The following OGG1 variants were observed in gnomAD, a reference collection of about 807,000 sequenced individuals.
The protein encoded by OGG1 is N-glycosylase/DNA lyase.
OGG1 carries 35 observed loss-of-function variants against 42.3 expected under a neutral mutation model. The ratio of observed to expected loss-of-function variants is 0.83; its 90% CI spans 0.63 to 1.10. The LOEUF (loss-of-function observed/expected upper bound fraction) is 1.10. OGG1 is among the 50% of genes least tolerant of loss of function. OGG1 has a pLI of 0.00. For synonymous variants in OGG1, 189 were observed against 179.0 expected (o/e 1.06, Z -0.44); for missense variants, 484 against 446.7 (o/e 1.08, Z -0.75).
downstream of OGG1, among the ~76,000 whole-genome samples, chr3:9,790,693 C>G (rs189763079): frequency 1.3e-5 from 2 of 152,192 alleles, no homozygotes; most frequent in South Asian, 4.1e-4. Flanking sequence ...TGGCATTGGG[C>G]TGAGTTTTTG....
chr3:9,752,025 C>A, intron 3 of OGG1, 76 bp downstream of exon 3: 1 of 1,421,242 alleles, frequency 7.0e-7, no homozygotes, highest in African/African-American at 1.4e-5. Flanking sequence ...TGGTTACCTT[C>A]TCAAGGCTTC....
chr3:9,772,038 G>A (rs1011125268), intron 2 of OGG1, among the ~76,000 whole-genome samples: 3 of 151,614 alleles, frequency 2.0e-5, no homozygotes, highest in South Asian at 2.1e-4. Flanking sequence ...GGCTGGTCTC[G>A]AACTCCTGAC....
chr3:9,759,089 T>G, downstream of OGG1: 1 of 1,008,436 alleles, frequency 9.9e-7, no homozygotes, highest in Non-Finnish European at 1.6e-6. Context: ...CTCAGTCCCC[T>G]CAGCCCCTCC....
At chr3:9,763,536 T>C (rs2077995771) in intron 7 of OGG1, among the ~76,000 whole-genome samples, 1 of 151,990 alleles carries the variant, frequency 6.6e-6, no homozygotes, top group African/African-American at 2.4e-5. Context: ...TAGCTTACCA[T>C]GGTTTATTAC....
chr3:9,760,625 G>A (rs770675137), downstream of OGG1: 3 of 1,611,886 alleles, frequency 1.9e-6, no homozygotes, highest in South Asian at 3.3e-5. Context: ...CAGAGGCAGG[G>A]CCCAGGGGAA....
intron 3 of OGG1, chr3:9,786,888 T>C: frequency 1.1e-6 from 1 of 909,514 alleles, no homozygotes; most frequent in South Asian, 1.6e-5. Flanking sequence ...TTTTTACTTT[T>C]GCACCAACCT....
intron 3 of OGG1, chr3:9,784,252 C>A (rs897481607): frequency 6.3e-7 from 1 of 1,582,140 alleles, no homozygotes; most frequent in Non-Finnish European, 8.6e-7. Flanking sequence ...CAAGAGCCAG[C>A]TTGGAGAAGG....
chr3:9,764,614 TTTG>T (rs1412473471), intron 7 of OGG1, among the ~76,000 whole-genome samples: 43 of 117,098 alleles, frequency 3.7e-4, no homozygotes, highest in African/African-American at 1.5e-3. Flanking sequence ...GCCTGGCGTT[TTTG>T]TTTTTTTTTT....
chr3:9,784,285 G>T (rs1397674772), intron 3 of OGG1: 1 of 1,526,884 alleles, frequency 6.5e-7, no homozygotes, highest in African/African-American at 1.4e-5. Context: ...GGTTCCCAGG[G>T]CTTCCCAAGG....
At chr3:9,774,704 A>T (rs1388145803) in intron 2 of OGG1, among the ~76,000 whole-genome samples, 2 of 152,202 alleles carry the variant, frequency 1.3e-5, no homozygotes, top group East Asian at 3.9e-4. Flanking sequence ...ATAGAAGGTC[A>T]TTTGCAGCCT....
At position 9,751,779 on chromosome 3, in the gene OGG1, T is replaced by G; in HGVS notation, c.395T>G (p.Leu132Arg). The change falls in exon 3 of 7, where the codon CTG becomes CGG. Residue 132 changes from leucine to arginine, a missense_variant. Transcript: ENST00000344629. ...CATTTCTGGTCTCCAGGTGTGCGAC[T>G]GCTGCGACAAGACCCCATCGAATGC... ...EVAQKFQGVRLLRQDPIECLF... is the reference protein window; with the variant it reads ...EVAQKFQGVRRLRQDPIECLF... 1.9e-6 allele frequency: 3 copies of G among 1,614,234 alleles called. No homozygotes were observed. The highest frequency in any genetic ancestry group is 2.5e-6 in the Non-Finnish European group (3 of 1,180,040).
At chr3:9,750,474 C>T (rs748613834) in intron 1 of OGG1, 51 bp downstream of exon 1, 1 of 1,609,760 alleles carries the variant, frequency 6.2e-7, no homozygotes, top group South Asian at 1.1e-5. Context: ...CTCCTGCCGC[C>T]TCAACACTGC....
At position 9,749,984 on chromosome 3, in the gene OGG1, G is replaced by A. The variant is rs1575178235; in HGVS notation, c.-303G>A. On this transcript the variant is annotated 5_prime_UTR_variant, in exon 1 of 7. Transcript: ENST00000344629. ...CTGTGGTCTGCCCCTGGAGAACCCA[G>A]AAGAACACAGCTGTGCGCGCCCACA... 2.3e-6 allele frequency: 1 copy of A among 437,362 alleles called. No individual in the cohort carries two copies. The highest frequency in any genetic ancestry group is 3.7e-5 in the Admixed American group (1 of 26,782). 27.1% of individuals were successfully genotyped at this position (437,362 alleles called of 1,614,324 possible).
downstream of OGG1, chr3:9,761,308 C>G: frequency 1.3e-6 from 1 of 747,814 alleles, no homozygotes; most frequent in South Asian, 1.9e-5. Context: ...AACATAGTAT[C>G]TATTGAATGA....
At chr3:9,762,667 A>ATT (rs879790415) in intron 7 of OGG1, among the ~76,000 whole-genome samples, 1 of 147,034 alleles carries the variant, frequency 6.8e-6, no homozygotes. Context: ...GTCTGGCCAG[A>ATT]TTTTTTTTTT....
In OGG1 at chr3:9,754,670, G is replaced by T. The variant is rs56342761; in HGVS notation, c.566-34G>T. 111 of 1,610,152 alleles carry T rather than the reference G, an allele frequency of 6.9e-5. No individual in the cohort carries two copies. The African/African-American group carries it at 1.2e-3, about 17-fold the overall frequency. On this transcript the variant is annotated intron_variant, in intron 3 of 6. Transcript: ENST00000344629. ...CTAAGGACAGGAAGAACTTGAAGATGCCTGATGCTTGCCCTCCTCCTCACT... is the reference window on the plus strand; with the variant it reads ...CTAAGGACAGGAAGAACTTGAAGATTCCTGATGCTTGCCCTCCTCCTCACT...
downstream of OGG1, among the ~76,000 whole-genome samples, chr3:9,768,038 C>T (rs376180251): frequency 6.6e-6 from 1 of 152,204 alleles, no homozygotes; most frequent in African/African-American, 2.4e-5. Context: ...TTCTAGTTCT[C>T]TTCCCAGTTT....
chr3:9,754,983 G>A lies in OGG1; in HGVS notation c.747+98G>A, dbSNP rs56219608. 1.2e-3 allele frequency: 1,196 copies of A among 995,932 alleles called. 6 individuals are homozygous for A. The highest frequency in any genetic ancestry group is 0.012 in the African/African-American group (725 of 62,558). 61.7% of individuals were successfully genotyped at this position (995,932 alleles called of 1,614,324 possible). ...GGAGCTGGGTGGAGGCTTGGCTTCC[G>A]GAGGCAGAGCAGGAAGGAGAAAGGA... is the stretch of plus-strand genomic sequence containing the variant. On this transcript the variant is annotated intron_variant, in intron 4 of 6. Transcript: ENST00000344629.
intron 7 of OGG1, among the ~76,000 whole-genome samples, chr3:9,764,311 T>C (rs912142484): frequency 6.6e-6 from 1 of 152,224 alleles, no homozygotes; most frequent in Non-Finnish European, 1.5e-5. Context: ...TTTTCTTTTT[T>C]TGAGACGGAG....
Sources: gnomAD v4.1 joint callset for allele counts (sites outside exome capture counted in the v4.1 genomes callset) on GRCh38, gnomAD v4.1.1 for gene constraint, MANE v1.5 for transcripts, NCBI Gene and HGNC (gene_info 2026-07-23, HGNC 2026-07-21) for gene names.